The following PLA2G6 variants were observed in gnomAD, a reference collection of about 807,000 sequenced individuals.
The protein encoded by PLA2G6 is 85/88 kDa calcium-independent phospholipase A2.
In PLA2G6, 62 loss-of-function variants were observed where a neutral mutation model predicts 83.8. That is an observed-to-expected ratio of 0.74 (90% CI 0.60 to 0.91). The LOEUF is 0.91. PLA2G6 is among the 40% of genes least tolerant of loss of function. The pLI is 0.00. For synonymous variants in PLA2G6, 417 were observed against 449.8 expected (o/e 0.93, Z 0.92); for missense variants, 944 against 1,102.0 (o/e 0.86, Z 2.03).
chr22:38,155,158 C>T (rs1264189050), intron 2 of PLA2G6, among the ~76,000 whole-genome samples: 2 of 151,214 alleles, frequency 1.3e-5, no homozygotes, highest in Admixed American at 6.6e-5. Context: ...ACCCGGGAGG[C>T]AGAGCTTGCA....
Position 38,112,071 on chromosome 22 carries a change from C to T in PLA2G6, c.*90G>A. ...CTATGGACTCAGAGGTGCCTGGGCC[C>T]AGATCTGCCCGGGAGGGCAGTGGCT... On this transcript the variant is annotated 3_prime_UTR_variant, in exon 17 of 17. Coordinates refer to ENST00000332509, the MANE Select transcript of PLA2G6 (RefSeq NM_003560.4). 1 of 1,461,604 alleles carries T rather than the reference C, an allele frequency of 6.8e-7. No individual in the cohort carries two copies. Among genetic ancestry groups the T allele is most frequent in the Non-Finnish European group, 9.4e-7 (1 of 1,068,054 alleles). The allele number at this position is 1,461,604 out of a possible 1,614,324, so 90.5% of individuals were successfully genotyped here. A position where few individuals can be genotyped will look rare whatever the true frequency, so the allele number is the denominator to read the frequency against.
chr22:38,134,945 G>T, intron 6 of PLA2G6, 43 bp downstream of exon 6: 1 of 1,410,746 alleles, frequency 7.1e-7, no homozygotes. Flanking sequence ...GACCTGCGGG[G>T]CCCGGCCCCC....
chr22:38,166,432 G>T (rs2090217864), intron 2 of PLA2G6, among the ~76,000 whole-genome samples: 1 of 152,092 alleles, frequency 6.6e-6, no homozygotes, highest in Admixed American at 6.6e-5. Context: ...ATAAAATTTA[G>T]AAATAAGACA....
At chr22:38,135,915 A>G (rs1381883183) in intron 5 of PLA2G6, 3 of 152,224 alleles carry the variant, frequency 2.0e-5, no homozygotes, top group Non-Finnish European at 4.4e-5. Flanking sequence ...ATTCTTCACA[A>G]CAGACAAAAG....
intron 12 of PLA2G6, among the ~76,000 whole-genome samples, chr22:38,118,919 T>C (rs1487641708): frequency 1.3e-5 from 2 of 151,984 alleles, no homozygotes; most frequent in Non-Finnish European, 2.9e-5. Flanking sequence ...CATGCCCAGC[T>C]AATTGTTAGT....
chr22:38,165,752 C>T (rs132968), intron 2 of PLA2G6, among the ~76,000 whole-genome samples: 17,687 of 151,950 alleles, frequency 0.12, 1,251 homozygotes, highest in African/African-American at 0.18. Flanking sequence ...TGGTGGCGGG[C>T]GCCTGTAGTC....
chr22:38,133,031 G>A lies in PLA2G6; in HGVS notation c.895-18C>T, dbSNP rs750298610. 1.3e-5 allele frequency: 20 copies of A among 1,552,574 alleles called. No homozygotes were observed. The East Asian group carries it at 4.6e-4, about 35-fold the overall frequency. ...CGGGCCATCTGCGGGAGACGGTCAG[G>A]CTGAGTTAGCACAGGCACTCGGGGA... On this transcript the variant is annotated intron_variant, in intron 6 of 16. Transcript: ENST00000332509.
At position 38,132,578 on chromosome 22, in the gene PLA2G6, G is replaced by C; in HGVS notation, c.1077+253C>G. 1 of 572,640 alleles carries C rather than the reference G, an allele frequency of 1.7e-6. No individual in the cohort carries two copies. The highest frequency in any genetic ancestry group is 3.1e-6 in the Non-Finnish European group (1 of 319,930). The allele number at this position is 572,640 out of a possible 1,614,324, so 35.5% of individuals were successfully genotyped here. ...CTGTCATTTTTCCCTCTCGTGCCAT[G>C]CAAGTGCCAAATGGGGGCACAGGTG... is the stretch of plus-strand genomic sequence containing the variant. On this transcript the variant is annotated intron_variant, in intron 7 of 16. Transcript: ENST00000332509. The surrounding 1 kb of genome is among the most constrained non-coding windows in gnomAD (Gnocchi z 5.0).
At chr22:38,118,753 G>GCT (rs2087352888) in intron 12 of PLA2G6, among the ~76,000 whole-genome samples, 1 of 138,664 alleles carries the variant, frequency 7.2e-6, no homozygotes, top group Non-Finnish European at 1.6e-5. Context: ...GTTTGTTTTT[G>GCT]TTTTTTTTTT....
rs146167080 is a variant in PLA2G6, at chr22:38,145,684, G to A, written c.210-31C>T. 21 of 1,501,352 alleles carry A rather than the reference G, an allele frequency of 1.4e-5. No individual in the cohort carries two copies. In the Admixed American group the frequency reaches 1.8e-4, roughly 13 times the overall value. 93.0% of individuals were successfully genotyped at this position (1,501,352 alleles called of 1,614,324 possible). ...GAGCCAGGACAGAGGAGCAAGACCC[G>A]AAATGAGTAAGGCGGGACCCTCGGC... is the stretch of plus-strand genomic sequence containing the variant. On this transcript the variant is annotated intron_variant, in intron 2 of 16. Coordinates refer to ENST00000332509, the MANE Select transcript of PLA2G6 (RefSeq NM_003560.4).
In PLA2G6 at chr22:38,170,875, C is replaced by G. The variant is rs563414367; in HGVS notation, c.-45-1404G>C. Among the ~76,000 whole-genome samples, 3 of 152,176 alleles carry G rather than the reference C, an allele frequency of 2.0e-5. No homozygotes were observed. In the South Asian group the frequency reaches 6.2e-4, roughly 32 times the overall value. Reference sequence around the variant, plus strand: ...ACATGAAAAGGAAAAAAGATCAATACTAATAATTATACCAACAAGGCACGG... The same window carrying G: ...ACATGAAAAGGAAAAAAGATCAATAGTAATAATTATACCAACAAGGCACGG... On this transcript the variant is annotated intron_variant, in intron 1 of 16. Coordinates refer to ENST00000332509, the MANE Select transcript of PLA2G6 (RefSeq NM_003560.4).
intron 2 of PLA2G6, among the ~76,000 whole-genome samples, chr22:38,166,664 G>C (rs1476120453): frequency 6.6e-6 from 1 of 152,152 alleles, no homozygotes; most frequent in Non-Finnish European, 1.5e-5. Context: ...AGGAGGCAGA[G>C]GTTGCTGTAA....
chr22:38,113,928 C>T lies in PLA2G6; in HGVS notation c.2035-274G>A. The T allele has an allele frequency of 3.6e-6, 2 of 549,952 alleles. No individual in the cohort carries two copies. Among genetic ancestry groups the T allele is most frequent in the Non-Finnish European group, 6.9e-6 (2 of 288,126 alleles). The allele number at this position is 549,952 out of a possible 1,614,324, so 34.1% of individuals were successfully genotyped here. A position where few individuals can be genotyped will look rare whatever the true frequency, so the allele number is the denominator to read the frequency against. The stretch of plus-strand genomic sequence containing the variant: ...ACACCAGCTGCAAGAAGGATCCCGC[C>T]CACCCCATCTGATGCTGGCCCAAGT... On this transcript the variant is annotated intron_variant, in intron 14 of 16. Transcript: ENST00000332509.
intron 9 of PLA2G6, among the ~76,000 whole-genome samples, chr22:38,127,878 A>T (rs1716416440): frequency 6.6e-6 from 1 of 152,200 alleles, no homozygotes; most frequent in African/African-American, 2.4e-5. Flanking sequence ...ACAGTGTGAT[A>T]GAGGTGAAGC....
In PLA2G6 at chr22:38,152,969, A is replaced by G. The variant is rs34184783; in HGVS notation, c.210-7316T>C. ...TATAGGAAGACGTCCTCCTGCGGGG[A>G]AAAAAAAAAAGGAAGCACATAGGTG... On this transcript the variant is annotated intron_variant, in intron 2 of 16. Coordinates refer to ENST00000332509, the MANE Select transcript of PLA2G6 (RefSeq NM_003560.4). Among the ~76,000 whole-genome samples, 388 of 148,080 alleles carry G rather than the reference A, an allele frequency of 2.6e-3. 1 individual carries two copies. The highest frequency in any genetic ancestry group is 5.1e-3 in the South Asian group (24 of 4,726).
intron 15 of PLA2G6, chr22:38,112,933 G>T (rs2145668351): frequency 1.4e-5 from 6 of 425,044 alleles, no homozygotes; most frequent in South Asian, 1.4e-4. Flanking sequence ...TTGAGACAAG[G>T]TCTCCTTCTG....
chr22:38,166,148 C>T (rs1170649952), intron 2 of PLA2G6, among the ~76,000 whole-genome samples: 1 of 152,208 alleles, frequency 6.6e-6, no homozygotes, highest in Non-Finnish European at 1.5e-5. Context: ...GGCAACACTT[C>T]CCAGCATCCT....
intron 12 of PLA2G6, 69 bp downstream of exon 12, chr22:38,120,690 C>A: frequency 1.3e-6 from 2 of 1,571,896 alleles, no homozygotes; most frequent in Non-Finnish European, 8.7e-7. Context: ...GGACAGGGAG[C>A]CCTCTGTCCC....
rs541686906 is a variant in PLA2G6 at position 38,164,187 on chromosome 22, G to T, written c.209+5031C>A. Among the ~76,000 whole-genome samples, 13 of 152,284 alleles carry T rather than the reference G, an allele frequency of 8.5e-5. 1 individual carries two copies. The highest frequency in any genetic ancestry group is 3.1e-4 in the African/African-American group (13 of 41,558). ...ACAAGTGACCCCTGGGGGCTCACAC[G>T]GGGAGAGCCAGGGCCCCCGCACCAT... On this transcript the variant is annotated intron_variant, in intron 2 of 16. Coordinates refer to ENST00000332509, the MANE Select transcript of PLA2G6 (RefSeq NM_003560.4).
Sources: allele counts gnomAD v4.1 joint callset (sites outside exome capture counted in the v4.1 genomes callset), GRCh38; gene constraint gnomAD v4.1.1; non-coding constraint Gnocchi (gnomAD v3.1); transcripts MANE v1.5; gene names NCBI Gene and HGNC (gene_info 2026-07-23, HGNC 2026-07-21).